PCDHA13: variants seen among roughly 807,000 people sequenced by gnomAD.
The protein encoded by PCDHA13 is protocadherin alpha-13.
Under a neutral mutation model 64.8 loss-of-function variants are expected in PCDHA13, and 54 were observed. The observed-to-expected ratio is 0.83, with a 90% CI of 0.67 to 1.04. The LOEUF is 1.04. Ranked by LOEUF, PCDHA13 falls within the 50% of genes least tolerant of loss-of-function variation. The pLI is 0.00. For missense variants in PCDHA13, 1,248 were observed against 1,254.3 expected, an observed-to-expected ratio of 0.99 and a Z score of 0.08; for synonymous variants, 587 against 564.4, an observed-to-expected ratio of 1.04 and a Z score of -0.57.
intron 1 of PCDHA13, chr5:140,968,986 A>C (rs143656335): frequency 6.8e-6 from 11 of 1,614,206 alleles, no homozygotes; most frequent in East Asian, 6.7e-5. Context: ...ATGGCACTGC[A>C]TGCTGTGGAG....
At chr5:140,906,494 G>C (rs1327823813) in intron 1 of PCDHA13, among the ~76,000 whole-genome samples, 4 of 152,196 alleles carry the variant, frequency 2.6e-5, no homozygotes, top group African/African-American at 9.7e-5. Context: ...GCACAAACAT[G>C]TTTTTAACAA....
In PCDHA13 at chr5:140,883,080, A is replaced by G; in HGVS notation, c.812A>G (p.Asp271Gly). ...AAGCTAAATGCCACAGATCCTGATGATGGTACAAATGGAGATATAGTTTAC... is the reference window on the plus strand; with the variant it reads ...AAGCTAAATGCCACAGATCCTGATGGTGGTACAAATGGAGATATAGTTTAC... The part of the protein sequence containing the change: ...VIKLNATDPD[D>G]GTNGDIVYSF... Residue 271 changes from aspartate (D) to glycine (G), a missense_variant, in exon 1 of 4, where the codon GAT becomes GGT. Transcript: ENST00000289272. The G allele has an allele frequency of 6.2e-7, 1 of 1,614,140 alleles. No homozygotes were observed. Among genetic ancestry groups the G allele is most frequent in the Non-Finnish European group, 8.5e-7 (1 of 1,180,026 alleles).
chr5:140,884,371 C>T lies in PCDHA13; in HGVS notation c.2103C>T (p.Ile701=). ...AALVDVNVYL[I]IAICAVSSLL... ...TGGTGGATGTCAATGTTTACTTGAT[C>T]ATTGCCATCTGCGCGGTGTCCAGCC... Residue 701 remains isoleucine (I), a synonymous_variant, in exon 1 of 4, where the codon ATC becomes ATT. Coordinates refer to ENST00000289272, the MANE Select transcript of PCDHA13 (RefSeq NM_018904.3). 1.2e-6 allele frequency: 2 copies of T among 1,613,948 alleles called. No individual in the cohort carries two copies. Among genetic ancestry groups the T allele is most frequent in the Non-Finnish European group, 1.7e-6 (2 of 1,179,870 alleles).
rs539970308 is a variant in PCDHA13 at position 140,890,959 on chromosome 5, G to GGTTTT, written c.2394+6303_2394+6307dup. 2.6e-4 allele frequency among the ~76,000 whole-genome samples: 40 copies of GGTTTT among 152,148 alleles called. 1 individual carries two copies. In the South Asian group the frequency reaches 8.1e-3, roughly 31 times the overall value. On this transcript the variant is annotated intron_variant, in intron 1 of 3. Transcript: ENST00000289272. ...AAGATGCTGGTGAGGAATGATTTCAGGTTTTGTTTTTCTGAAAATGTCTTT... is the reference window on the plus strand; with the variant it reads ...AAGATGCTGGTGAGGAATGATTTCAGGTTTTGTTTTGTTTTTCTGAAAATGTCTTT...
chr5:140,892,578 T>G (rs2063581965), intron 1 of PCDHA13, among the ~76,000 whole-genome samples: 1 of 152,178 alleles, frequency 6.6e-6, no homozygotes, highest in Non-Finnish European at 1.5e-5. Context: ...AAAGTATATC[T>G]CAGTATTCAT....
At chr5:140,929,153 A>T in intron 1 of PCDHA13, 1 of 1,614,164 alleles carries the variant, frequency 6.2e-7, no homozygotes, top group African/African-American at 1.3e-5. Context: ...TCTCAGACTT[A>T]TCTCTATCGG....
At chr5:140,893,498 A>G (rs1471386820) in intron 1 of PCDHA13, among the ~76,000 whole-genome samples, 2 of 151,410 alleles carry the variant, frequency 1.3e-5, no homozygotes, top group Admixed American at 6.6e-5. Flanking sequence ...CACAAAAAAG[A>G]AAAAAAAAGC....
intron 1 of PCDHA13, among the ~76,000 whole-genome samples, chr5:140,961,085 T>C (rs1406733516): frequency 1.3e-5 from 2 of 152,230 alleles, no homozygotes; most frequent in East Asian, 3.8e-4. Flanking sequence ...CAAGTAATTG[T>C]TGACTTTTTG....
chr5:140,933,945 T>A (rs1435633780), intron 1 of PCDHA13, among the ~76,000 whole-genome samples: 1 of 152,084 alleles, frequency 6.6e-6, no homozygotes, highest in Non-Finnish European at 1.5e-5. Flanking sequence ...TTTTCACATC[T>A]GCAGGATCTG....
intron 3 of PCDHA13, among the ~76,000 whole-genome samples, chr5:140,999,874 T>G (rs897953919): frequency 6.6e-6 from 1 of 152,122 alleles, no homozygotes; most frequent in Admixed American, 6.5e-5. Flanking sequence ...TTACTGAAAA[T>G]TAGCCCAGCT....
In PCDHA13 at chr5:141,010,896, A is replaced by G. The variant is rs1433932699; in HGVS notation, c.*959A>G. 6.5e-6 allele frequency: 1 copy of G among 153,790 alleles called. No individual in the cohort carries two copies. The highest frequency in any genetic ancestry group is 1.5e-5 in the Non-Finnish European group (1 of 68,052). The allele number at this position is 153,790 out of a possible 1,614,324, so 9.5% of individuals were successfully genotyped here. A position where few individuals can be genotyped will look rare whatever the true frequency, so the allele number is the denominator to read the frequency against. Reference sequence around the variant, plus strand: ...ATCTTTAAAGAGAAATATGAATACAATTCCCCTAAACTCTCCTCAAAAGAG... The same window carrying G: ...ATCTTTAAAGAGAAATATGAATACAGTTCCCCTAAACTCTCCTCAAAAGAG... On this transcript the variant is annotated 3_prime_UTR_variant, in exon 4 of 4. Coordinates refer to ENST00000289272, the MANE Select transcript of PCDHA13 (RefSeq NM_018904.3).
intron 1 of PCDHA13, among the ~76,000 whole-genome samples, chr5:140,950,723 A>G (rs1478275346): frequency 1.3e-5 from 2 of 151,984 alleles, no homozygotes; most frequent in African/African-American, 4.8e-5. Flanking sequence ...ATATCCTTAA[A>G]TTTTTTAATC....
intron 3 of PCDHA13, among the ~76,000 whole-genome samples, chr5:140,990,330 A>C (rs1554251426): frequency 6.6e-6 from 1 of 152,122 alleles, no homozygotes; most frequent in African/African-American, 2.4e-5. Context: ...AAACTTTAAA[A>C]ATAAGTAAAG....
Position 140,883,813 on chromosome 5 carries a change from C to CA in PCDHA13, c.1547dup (p.Val517GlyfsTer94), listed in dbSNP as rs2059834466. The stretch of plus-strand genomic sequence containing the variant: ...ACGTGTCGGTGCACGCGGAGAGCGG[C>CA]AAGGTGTACGCGCTGCAGCCGTTGG... On this transcript the variant is annotated frameshift_variant, in exon 1 of 4. Transcript: ENST00000289272. LOFTEE classifies it high-confidence loss of function. The CA allele has an allele frequency of 6.2e-7, 1 of 1,612,382 alleles. No individual in the cohort carries two copies. The highest frequency in any genetic ancestry group is 8.5e-7 in the Non-Finnish European group (1 of 1,179,778).
intron 1 of PCDHA13, chr5:140,966,215 A>G (rs1554228144): frequency 4.1e-6 from 1 of 244,868 alleles, no homozygotes; most frequent in Non-Finnish European, 7.7e-6. Flanking sequence ...CTTTTCCCAG[A>G]CTAATCTCCT....
intron 1 of PCDHA13, among the ~76,000 whole-genome samples, chr5:140,952,008 G>A (rs1427518321): frequency 6.6e-6 from 1 of 152,132 alleles, no homozygotes; most frequent in Non-Finnish European, 1.5e-5. Context: ...AAGAATTATA[G>A]GCCCCATGCA....
At position 140,882,755 on chromosome 5, in the gene PCDHA13, G is replaced by A; in HGVS notation, c.487G>A (p.Gly163Arg). Reference protein sequence around the residue: ...PLDGASDADIGVNSALTYRLD... With the variant: ...PLDGASDADIRVNSALTYRLD... ...AGATGGCGCATCCGATGCAGATATT[G>A]GAGTAAACTCGGCATTGACCTACCG... The change falls in exon 1 of 4, where the codon GGA (glycine) becomes AGA (arginine). Residue 163 changes from glycine to arginine, a missense_variant. Physicochemically the swap from Gly to Arg is moderately radical, Grantham distance 125. Transcript: ENST00000289272. 2 of 1,614,230 alleles carry A rather than the reference G, an allele frequency of 1.2e-6. No homozygotes were observed. Among genetic ancestry groups the A allele is most frequent in the Non-Finnish European group, 1.7e-6 (2 of 1,180,046 alleles).
chr5:140,921,953 C>A (rs2080517782), intron 1 of PCDHA13, among the ~76,000 whole-genome samples: 3 of 151,116 alleles, frequency 2.0e-5, no homozygotes, highest in African/African-American at 4.9e-5. Flanking sequence ...TTGTAAAATC[C>A]CAGAAAACCA....
At chr5:140,943,008 G>A (rs2093405058) in intron 1 of PCDHA13, among the ~76,000 whole-genome samples, 2 of 152,052 alleles carry the variant, frequency 1.3e-5, no homozygotes, top group African/African-American at 4.8e-5. Context: ...TGTAATCCCA[G>A]CACTTTGGGA....
Sources: gnomAD v4.1 joint callset for allele counts (sites outside exome capture counted in the v4.1 genomes callset) on GRCh38, gnomAD v4.1.1 for gene constraint, MANE v1.5 for transcripts, NCBI Gene and HGNC (gene_info 2026-07-23, HGNC 2026-07-21) for gene names.